SLC9A3: variants seen among roughly 807,000 people sequenced by gnomAD.
SLC9A3 encodes the protein sodium/hydrogen exchanger 3.
Under a neutral mutation model 86.8 loss-of-function variants are expected in SLC9A3, and 37 were observed. The ratio of observed to expected loss-of-function variants is 0.43; its 90% CI spans 0.33 to 0.56. The LOEUF is 0.56. SLC9A3 is among the 20% of genes least tolerant of loss of function. The pLI, the probability that SLC9A3 is intolerant of heterozygous loss-of-function variation, is 0.06. For synonymous variants in SLC9A3, 581 were observed against 528.3 expected, an observed-to-expected ratio of 1.10 and a Z score of -1.37; for missense variants, 1,011 against 1,171.9, an observed-to-expected ratio of 0.86 and a Z score of 2.00.
At chr5:504,063 A>G (rs1740430405) in intron 1 of SLC9A3, among the ~76,000 whole-genome samples, 1 of 151,738 alleles carries the variant, frequency 6.6e-6, no homozygotes, top group Non-Finnish European at 1.5e-5. Context: ...AACCGTCTTC[A>G]TCAATCACGG....
chr5:485,307 G>A (rs1014780063), intron 3 of SLC9A3, 76 bp from the exon 4 acceptor site: 11 of 1,201,186 alleles, frequency 9.2e-6, no homozygotes, highest in Middle Eastern at 1.9e-4. Flanking sequence ...GGCCTCGCTG[G>A]ACTTGGCCCG....
rs373803609 is a variant in SLC9A3 at position 501,789 on chromosome 5, G to A, written c.212-9718C>T. 8.4e-4 allele frequency among the ~76,000 whole-genome samples: 128 copies of A among 152,366 alleles called. 12 individuals are homozygous for A. The East Asian group carries it at 0.013, about 15-fold the overall frequency. On this transcript the variant is annotated intron_variant, in intron 1 of 16. Coordinates refer to ENST00000264938, the MANE Select transcript of SLC9A3 (RefSeq NM_004174.4). ...CGTCAAGCCCAGGGCGGAGGTAAAG[G>A]TGCTCACGGAGGTCCGCCGTGCGGC...
At chr5:483,579 C>T (rs1739324221) in intron 5 of SLC9A3, 97 bp from the exon 6 acceptor site, 1 of 861,042 alleles carries the variant, frequency 1.2e-6, no homozygotes, top group Non-Finnish European at 1.9e-6. Context: ...CCTGTAGGCC[C>T]AGAGTCACAG....
At chr5:485,598 C>T (rs1739425796) in intron 3 of SLC9A3, among the ~76,000 whole-genome samples, 1 of 152,250 alleles carries the variant, frequency 6.6e-6, no homozygotes, top group Admixed American at 6.5e-5. Flanking sequence ...GGCTCTAGCC[C>T]CTGCCGTCTT....
intron 1 of SLC9A3, among the ~76,000 whole-genome samples, chr5:513,338 C>T (rs1733630602): frequency 6.6e-6 from 1 of 152,150 alleles, no homozygotes; most frequent in Admixed American, 6.5e-5. Context: ...AGGAGAAAGG[C>T]CGGGAGGAAG....
chr5:476,404 A>G (rs375782569), intron 12 of SLC9A3, 26 bp from the exon 13 acceptor site: 3 of 1,612,156 alleles, frequency 1.9e-6, no homozygotes, highest in African/African-American at 2.7e-5. Context: ...CGGAGGTCAC[A>G]GCTGTGCCCA....
chr5:519,105 C>T (rs1432346980), intron 1 of SLC9A3, among the ~76,000 whole-genome samples: 5 of 152,222 alleles, frequency 3.3e-5, no homozygotes, highest in Non-Finnish European at 5.9e-5. Flanking sequence ...GCCAGACCCT[C>T]CCCTGTGGAG....
chr5:472,881 G>T lies in SLC9A3; in HGVS notation c.*498C>A. 1 of 501,502 alleles carries T rather than the reference G, an allele frequency of 2.0e-6. No homozygotes were observed. Among genetic ancestry groups the T allele is most frequent in the Non-Finnish European group, 3.7e-6 (1 of 268,100 alleles). 31.1% of individuals were successfully genotyped at this position (501,502 alleles called of 1,614,324 possible). ...GGGCTGGTTTCACGCAAATCCGTTT[G>T]GGGCGAGCCTCGGTTTCCCGGCAGC... On this transcript the variant is annotated 3_prime_UTR_variant, in exon 17 of 17. Coordinates refer to ENST00000264938, the MANE Select transcript of SLC9A3 (RefSeq NM_004174.4).
In SLC9A3 at chr5:482,065, T is replaced by TA. The variant is rs1739225402; in HGVS notation, c.1446+2dup. ...CCCCCCCGCCCCCCAGCCCCGCACT[T>TA]ACGCGCCCGTGCAGCTTCTCGTTGA... On this transcript the variant is annotated splice_region_variant and intron_variant, in intron 8 of 16. Transcript: ENST00000264938. 8.5e-7 allele frequency: 1 copy of TA among 1,182,652 alleles called. No individual in the cohort carries two copies. The highest frequency in any genetic ancestry group is 1.2e-6 in the Non-Finnish European group (1 of 815,746). 73.3% of individuals were successfully genotyped at this position (1,182,652 alleles called of 1,614,324 possible). A position where few individuals can be genotyped will look rare whatever the true frequency, so the allele number is the denominator to read the frequency against.
chr5:490,669 T>C (rs916129952), intron 2 of SLC9A3, among the ~76,000 whole-genome samples: 4 of 152,138 alleles, frequency 2.6e-5, no homozygotes, highest in Non-Finnish European at 4.4e-5. Flanking sequence ...GGTGTGAGCC[T>C]CGAGGGGCCG....
At chr5:480,823 T>C (rs1739116942) in intron 9 of SLC9A3, 1 of 152,288 alleles carries the variant, frequency 6.6e-6, no homozygotes, top group Non-Finnish European at 1.5e-5. Flanking sequence ...ATGTGCTCCT[T>C]ACTGGGTTTA....
intron 4 of SLC9A3, 133 bp from the exon 5 acceptor site, chr5:484,830 GC>G (rs879076851): frequency 1.3e-5 from 11 of 847,278 alleles, no homozygotes; most frequent in African/African-American, 1.7e-5. Flanking sequence ...TGGAGATCGG[GC>G]CTGGTCTCAG....
rs1739740875 is a variant in SLC9A3, at chr5:491,549, T to C, written c.514+220A>G. Among the ~76,000 whole-genome samples the C allele has an allele frequency of 6.6e-6, 1 of 151,928 alleles. No homozygotes were observed. The highest frequency in any genetic ancestry group is 1.5e-5 in the Non-Finnish European group (1 of 67,960). On this transcript the variant is annotated intron_variant, in intron 2 of 16. Coordinates refer to ENST00000264938, the MANE Select transcript of SLC9A3 (RefSeq NM_004174.4). This position sits in a 1 kb window ranked among gnomAD's most constrained non-coding sequence, Gnocchi z 9.2. ...CAGCCCCCAAGCCGAGCTGCCGAGA[T>C]GGGAACTCCTCCCCAAGCAGAACAC...
At chr5:519,290 T>G (rs1560978372) in intron 1 of SLC9A3, among the ~76,000 whole-genome samples, 1 of 152,188 alleles carries the variant, frequency 6.6e-6, no homozygotes, top group Non-Finnish European at 1.5e-5. Flanking sequence ...TAGGCCATCC[T>G]TGTCCCCAGA....
intron 1 of SLC9A3, among the ~76,000 whole-genome samples, chr5:512,578 G>A (rs1375792556): frequency 1.3e-5 from 2 of 152,232 alleles, no homozygotes; most frequent in Non-Finnish European, 2.9e-5. Context: ...TGTTAATAGG[G>A]GGAGTGGGGG....
chr5:497,903 C>T lies in SLC9A3; in HGVS notation c.212-5832G>A, dbSNP rs1448521693. On this transcript the variant is annotated intron_variant, in intron 1 of 16. Coordinates refer to ENST00000264938, the MANE Select transcript of SLC9A3 (RefSeq NM_004174.4). This position sits in a 1 kb window ranked among gnomAD's most constrained non-coding sequence, Gnocchi z 5.4. The stretch of plus-strand genomic sequence containing the variant: ...TCTGCCCCTGTCCCGGGTGGGGTCG[C>T]CCGGCCGCATCCCCAGCCTCTGCCC... Among the ~76,000 whole-genome samples, 8 of 150,204 alleles carry T rather than the reference C, an allele frequency of 5.3e-5. No homozygotes were observed. The highest frequency in any genetic ancestry group is 2.2e-4 in the South Asian group (1 of 4,620).
At chr5:499,698 TG>T (rs1740175567) in intron 1 of SLC9A3, among the ~76,000 whole-genome samples, 2 of 152,168 alleles carry the variant, frequency 1.3e-5, no homozygotes, top group South Asian at 4.1e-4. Flanking sequence ...TCCTGCTCCC[TG>T]GGGACACGTG....
At chr5:483,626 G>T (rs1739326574) in intron 5 of SLC9A3, 144 bp from the exon 6 acceptor site, 4 of 668,742 alleles carry the variant, frequency 6.0e-6, no homozygotes, top group Middle Eastern at 3.9e-4. Flanking sequence ...CCCGAGCCAG[G>T]CTGGGCCGCC....
At position 472,250 on chromosome 5, in the gene SLC9A3, C is replaced by A; in HGVS notation, c.*1129G>T. 2.8e-6 allele frequency: 1 copy of A among 352,818 alleles called. No individual in the cohort carries two copies. Among genetic ancestry groups the A allele is most frequent in the Non-Finnish European group, 5.6e-6 (1 of 178,990 alleles). The allele number at this position is 352,818 out of a possible 1,614,324, so 21.9% of individuals were successfully genotyped here. On this transcript the variant is annotated 3_prime_UTR_variant, in exon 17 of 17. Transcript: ENST00000264938. ...CTGTCCAAGGCCTCGCCCTGGGACGCTGGAAGGGGTGGGAAGGGTCAGGGG... is the reference window on the plus strand; with the variant it reads ...CTGTCCAAGGCCTCGCCCTGGGACGATGGAAGGGGTGGGAAGGGTCAGGGG...
Sources: gnomAD v4.1 joint callset for allele counts (sites outside exome capture counted in the v4.1 genomes callset) on GRCh38, gnomAD v4.1.1 for gene constraint, Gnocchi (gnomAD v3.1) non-coding constraint, MANE v1.5 for transcripts, NCBI Gene and HGNC (gene_info 2026-07-23, HGNC 2026-07-21) for gene names.